MVB12B: variants seen among roughly 807,000 people sequenced by gnomAD.
MVB12B encodes multivesicular body subunit 12B, also known as ESCRT-I complex subunit MVB12B.
MVB12B carries 16 observed loss-of-function variants against 41.6 expected under a neutral mutation model. The observed-to-expected ratio is 0.38, with a 90% CI of 0.26 to 0.58. MVB12B has a LOEUF of 0.58. MVB12B is among the 20% of genes least tolerant of loss of function. The probability of loss-of-function intolerance (pLI) is 0.62; values close to 1 mark genes in which losing one functional copy is unlikely to be tolerated. For synonymous variants in MVB12B, 133 were observed against 139.7 expected (o/e 0.95, Z 0.34); for missense variants, 274 against 380.2 (o/e 0.72, Z 2.32).
chr9:126,387,021 A>G (rs1466073527), intron 4 of MVB12B, among the ~76,000 whole-genome samples: 1 of 152,210 alleles, frequency 6.6e-6, no homozygotes, highest in African/African-American at 2.4e-5. Context: ...AAAGAAAACA[A>G]TCAAAAGACG....
At chr9:126,351,044 T>C (rs1016506976) in intron 2 of MVB12B, among the ~76,000 whole-genome samples, 2 of 152,212 alleles carry the variant, frequency 1.3e-5, no homozygotes, top group African/African-American at 4.8e-5. Context: ...ATTTATTAGT[T>C]CTTCTTTCAT....
intron 6 of MVB12B, among the ~76,000 whole-genome samples, chr9:126,407,782 A>G (rs962844325): frequency 1.3e-5 from 2 of 152,124 alleles, no homozygotes; most frequent in African/African-American, 4.8e-5. Context: ...CTAGGAAAAA[A>G]TTTCTCCTTA....
chr9:126,402,450 C>A (rs1273317590), intron 6 of MVB12B, among the ~76,000 whole-genome samples: 1 of 151,824 alleles, frequency 6.6e-6, no homozygotes, highest in Non-Finnish European at 1.5e-5. Flanking sequence ...CAAGTCTGTG[C>A]AACATGGCAA....
At position 126,503,350 on chromosome 9, in the gene MVB12B, C is replaced by T. The variant is rs112355931; in HGVS notation, c.*87C>T. 4,291 of 1,100,766 alleles carry T rather than the reference C, an allele frequency of 3.9e-3. 100 individuals carry two copies. In the African/African-American group the frequency reaches 0.049, roughly 13 times the overall value. 68.2% of individuals were successfully genotyped at this position (1,100,766 alleles called of 1,614,324 possible). A position where few individuals can be genotyped will look rare whatever the true frequency, so the allele number is the denominator to read the frequency against. On this transcript the variant is annotated 3_prime_UTR_variant, in exon 10 of 10. Transcript: ENST00000361171. ...TGCCCCCGCCTCCTCCTGCCGCCTC[C>T]GCCAGCCCTCCCTCCCACACTGCCC...
At chr9:126,396,464 G>C in intron 6 of MVB12B, 1 of 985,518 alleles carries the variant, frequency 1.0e-6, no homozygotes, top group East Asian at 1.1e-4. Context: ...TAACGTAAAT[G>C]AGAATGGATC....
rs1264237616 is a variant in MVB12B, at chr9:126,468,621, AT to A, written c.758-12747del. 6.6e-6 allele frequency among the ~76,000 whole-genome samples: 1 copy of A among 152,090 alleles called. No homozygotes were observed. Among genetic ancestry groups the A allele is most frequent in the East Asian group, 1.9e-4 (1 of 5,190 alleles). On this transcript the variant is annotated intron_variant, in intron 7 of 9. Coordinates refer to ENST00000361171, the MANE Select transcript of MVB12B (RefSeq NM_033446.3). The surrounding 1 kb of genome is among the most constrained non-coding windows in gnomAD (Gnocchi z 4.3). ...CTCCATTCTTACTGCCACTGCCCTC[AT>A]CCGGGCCACCAGCGTCCCTCGCCTG...
chr9:126,423,471 A>G lies in MVB12B; in HGVS notation c.757+1523A>G, dbSNP rs189632846. 3.3e-4 allele frequency among the ~76,000 whole-genome samples: 50 copies of G among 152,354 alleles called. 1 individual carries two copies. The highest frequency in any genetic ancestry group is 1.1e-3 in the African/African-American group (44 of 41,586). On this transcript the variant is annotated intron_variant, in intron 7 of 9. Transcript: ENST00000361171. Reference sequence around the variant, plus strand: ...GCTGTTAGTTTAGCAATACCAAGGTAACAGCCTCAAGACACAGGGGAAGCC... The same window carrying G: ...GCTGTTAGTTTAGCAATACCAAGGTGACAGCCTCAAGACACAGGGGAAGCC...
intron 7 of MVB12B, among the ~76,000 whole-genome samples, chr9:126,475,462 A>G (rs991807583): frequency 6.6e-6 from 1 of 152,242 alleles, no homozygotes; most frequent in Non-Finnish European, 1.5e-5. Context: ...GAAAATTTGT[A>G]AGATGCTTTG....
At chr9:126,456,040 G>A (rs1295551420) in intron 7 of MVB12B, among the ~76,000 whole-genome samples, 2 of 151,700 alleles carry the variant, frequency 1.3e-5, no homozygotes, top group East Asian at 1.9e-4. Flanking sequence ...ACAGGTACCC[G>A]CCACCATGCC....
chr9:126,363,964 G>T (rs1830094745), intron 2 of MVB12B, among the ~76,000 whole-genome samples: 1 of 152,070 alleles, frequency 6.6e-6, no homozygotes, highest in South Asian at 2.1e-4. Context: ...TGTGTACTGA[G>T]CCCCATGAGG....
At chr9:126,377,481 C>T (rs935643856) in intron 2 of MVB12B, among the ~76,000 whole-genome samples, 1 of 152,156 alleles carries the variant, frequency 6.6e-6, no homozygotes, top group Non-Finnish European at 1.5e-5. Context: ...TCACTCAGCT[C>T]AATGGATTAA....
At chr9:126,409,630 C>T (rs559099076) in intron 6 of MVB12B, among the ~76,000 whole-genome samples, 1 of 152,314 alleles carries the variant, frequency 6.6e-6, no homozygotes, top group African/African-American at 2.4e-5. Context: ...ACGTGGCTCC[C>T]GCCTGCTGCA....
At chr9:126,346,492 C>T (rs779972876) in intron 2 of MVB12B, among the ~76,000 whole-genome samples, 6 of 151,970 alleles carry the variant, frequency 3.9e-5, no homozygotes, top group Admixed American at 1.3e-4. Context: ...CGGGTGGAGG[C>T]GGGAGGGAGA....
chr9:126,381,946 C>G (rs182505983), intron 3 of MVB12B, among the ~76,000 whole-genome samples: 2 of 151,970 alleles, frequency 1.3e-5, no homozygotes, highest in Non-Finnish European at 2.9e-5. Flanking sequence ...TCTTCCCCAG[C>G]CCCAAACAGG....
intron 3 of MVB12B, 41 bp downstream of exon 3, chr9:126,381,212 G>A (rs574922282): frequency 7.4e-7 from 1 of 1,345,552 alleles, no homozygotes; most frequent in South Asian, 1.2e-5. Flanking sequence ...GTGAGCACAA[G>A]TAATTTACAT....
At chr9:126,501,922 C>T (rs1833968144) in intron 9 of MVB12B, among the ~76,000 whole-genome samples, 1 of 152,034 alleles carries the variant, frequency 6.6e-6, no homozygotes, top group Admixed American at 6.5e-5. Context: ...GTGCAGTGCT[C>T]CGCCTCCTGC....
chr9:126,486,188 T>G lies in MVB12B; in HGVS notation c.873+2156T>G, dbSNP rs2119213121. 6.6e-6 allele frequency among the ~76,000 whole-genome samples: 1 copy of G among 151,420 alleles called. No homozygotes were observed. Among genetic ancestry groups the G allele is most frequent in the African/African-American group, 2.4e-5 (1 of 41,430 alleles). On this transcript the variant is annotated intron_variant, in intron 9 of 9. Coordinates refer to ENST00000361171, the MANE Select transcript of MVB12B (RefSeq NM_033446.3). This position sits in a 1 kb window ranked among gnomAD's most constrained non-coding sequence, Gnocchi z 4.7. ...ATTGTCATATATAGATTTTTTTTTC[T>G]TTTTTTGATAACTCAGGGAAAAAAT...
intron 7 of MVB12B, among the ~76,000 whole-genome samples, chr9:126,454,803 A>G (rs1215960101): frequency 6.6e-6 from 1 of 151,082 alleles, no homozygotes; most frequent in Admixed American, 6.6e-5. Flanking sequence ...TTTTTTTTTA[A>G]CCAGCCAGGA....
intron 7 of MVB12B, among the ~76,000 whole-genome samples, chr9:126,442,853 G>C (rs1832674081): frequency 6.6e-6 from 1 of 152,192 alleles, no homozygotes; most frequent in South Asian, 2.1e-4. Context: ...GCAGTGGGCA[G>C]ATGGTCATAC....
Sources: gnomAD v4.1 joint callset for allele counts (sites outside exome capture counted in the v4.1 genomes callset) on GRCh38, gnomAD v4.1.1 for gene constraint, Gnocchi (gnomAD v3.1) non-coding constraint, MANE v1.5 for transcripts, NCBI Gene and HGNC (gene_info 2026-07-23, HGNC 2026-07-21) for gene names.